PTPRD: variants seen among roughly 807,000 people sequenced by gnomAD.
PTPRD encodes the protein protein tyrosine phosphatase receptor type D.
PTPRD carries 34 observed loss-of-function variants against 214.5 expected under a neutral mutation model. The observed-to-expected ratio is 0.16, with a 90% confidence interval of 0.12 to 0.21. The LOEUF (loss-of-function observed/expected upper bound fraction) is 0.21, where lower values mean the gene tolerates loss of function less well. Among genes scored for constraint, PTPRD ranks in the 10% least tolerant of loss-of-function variants. The pLI is 1.00. For synonymous variants in PTPRD, 1,128 were observed against 845.7 expected (o/e 1.33, Z -5.79); for missense variants, 2,545 against 2,398.7 (o/e 1.06, Z -1.27).
At chr9:10,375,370 C>A (rs760009782) in intron 2 of PTPRD, among the ~76,000 whole-genome samples, 2 of 151,948 alleles carry the variant, frequency 1.3e-5, no homozygotes, top group African/African-American at 2.4e-5. Context: ...TTATTATGTG[C>A]ATTTCTGGTT....
chr9:8,851,914 T>C (rs1036408085), intron 11 of PTPRD, among the ~76,000 whole-genome samples: 2 of 152,178 alleles, frequency 1.3e-5, no homozygotes, highest in African/African-American at 4.8e-5. Context: ...GGGTCGAGAT[T>C]TTGCAATTCT....
intron 5 of PTPRD, among the ~76,000 whole-genome samples, chr9:9,818,466 G>C (rs2049510815): frequency 6.6e-6 from 1 of 152,070 alleles, no homozygotes; most frequent in South Asian, 2.1e-4. Context: ...ACATTATTTA[G>C]TTTATGAGTA....
chr9:8,653,067 T>A (rs906863847), intron 12 of PTPRD, among the ~76,000 whole-genome samples: 5 of 152,206 alleles, frequency 3.3e-5, no homozygotes, highest in African/African-American at 1.2e-4. Context: ...TGTTCAATTT[T>A]ACTGTCTGAA....
At chr9:9,329,779 G>C (rs1380728184) in intron 9 of PTPRD, among the ~76,000 whole-genome samples, 1 of 152,150 alleles carries the variant, frequency 6.6e-6, no homozygotes, top group Non-Finnish European at 1.5e-5. Context: ...ACTTCATATT[G>C]AAAACTAAAC....
chr9:9,776,945 T>A (rs1040072550), intron 5 of PTPRD, among the ~76,000 whole-genome samples: 7 of 152,190 alleles, frequency 4.6e-5, no homozygotes, highest in African/African-American at 7.2e-5. Context: ...TTGAAAGGCA[T>A]AAATTCAGGG....
intron 11 of PTPRD, among the ~76,000 whole-genome samples, chr9:8,756,583 G>C (rs918529116): frequency 6.6e-6 from 1 of 152,064 alleles, no homozygotes; most frequent in Admixed American, 6.6e-5. Context: ...ATTTGAGAGT[G>C]GGTTTTATAA....
intron 11 of PTPRD, among the ~76,000 whole-genome samples, chr9:8,858,760 A>C (rs939674275): frequency 6.6e-6 from 1 of 150,612 alleles, no homozygotes; most frequent in African/African-American, 2.4e-5. Context: ...GAGCCGGATA[A>C]AGGAGGGGCA....
chr9:10,528,492 C>T (rs1368639353), intron 2 of PTPRD, among the ~76,000 whole-genome samples: 2 of 152,030 alleles, frequency 1.3e-5, no homozygotes, highest in Non-Finnish European at 2.9e-5. Context: ...CATCTTTTAC[C>T]ACCACAAGAA....
chr9:9,132,183 A>ATT (rs35587880), intron 10 of PTPRD, among the ~76,000 whole-genome samples: 1 of 151,736 alleles, frequency 6.6e-6, no homozygotes, highest in African/African-American at 2.4e-5. Context: ...AATTTTTTGT[A>ATT]TTTTTTTGGT....
intron 4 of PTPRD, among the ~76,000 whole-genome samples, chr9:10,006,339 G>A (rs933679034): frequency 9.2e-5 from 14 of 151,972 alleles, no homozygotes; most frequent in Admixed American, 5.9e-4. Context: ...TTTTTTCATT[G>A]ATTTAATATA....
intron 11 of PTPRD, among the ~76,000 whole-genome samples, chr9:8,922,085 A>G (rs1314973381): frequency 6.6e-6 from 1 of 152,196 alleles, no homozygotes; most frequent in Non-Finnish European, 1.5e-5. Context: ...CAGGCAGAGA[A>G]TTCGTGTGTA....
chr9:9,927,834 C>A (rs1400155030), intron 5 of PTPRD, among the ~76,000 whole-genome samples: 2 of 151,998 alleles, frequency 1.3e-5, no homozygotes, highest in Non-Finnish European at 2.9e-5. Flanking sequence ...AGCTTATTTT[C>A]ATGTCATTTG....
intron 11 of PTPRD, among the ~76,000 whole-genome samples, chr9:8,868,909 G>C (rs987471912): frequency 6.6e-5 from 10 of 152,108 alleles, no homozygotes; most frequent in Non-Finnish European, 1.0e-4. Flanking sequence ...CTATGAGCAA[G>C]GCACACATAT....
intron 7 of PTPRD, among the ~76,000 whole-genome samples, chr9:9,703,542 T>C (rs934033509): frequency 2.6e-5 from 4 of 152,138 alleles, no homozygotes; most frequent in East Asian, 1.9e-4. Context: ...TTTGAAAAGA[T>C]TGGCAGGTGA....
intron 2 of PTPRD, among the ~76,000 whole-genome samples, chr9:10,547,715 A>G (rs1412038330): frequency 3.3e-5 from 5 of 151,920 alleles, no homozygotes; most frequent in African/African-American, 1.2e-4. Flanking sequence ...ATATATATAT[A>G]AGTGTACATA....
intron 7 of PTPRD, among the ~76,000 whole-genome samples, chr9:9,576,693 G>A (rs2088952513): frequency 6.6e-6 from 1 of 152,100 alleles, no homozygotes; most frequent in African/African-American, 2.4e-5. Context: ...TACCATTGTA[G>A]AATAAACTTC....
chr9:9,477,796 C>T (rs1202530952), intron 8 of PTPRD, among the ~76,000 whole-genome samples: 4 of 152,108 alleles, frequency 2.6e-5, no homozygotes, highest in Non-Finnish European at 4.4e-5. Context: ...TAGAACTGTA[C>T]ATTTTCTTGA....
At chr9:8,995,899 T>C (rs951609141) in intron 11 of PTPRD, among the ~76,000 whole-genome samples, 2 of 152,100 alleles carry the variant, frequency 1.3e-5, no homozygotes, top group Admixed American at 6.6e-5. Context: ...GTCTCTTCCT[T>C]TTAGTAAACG....
chr9:10,259,259 C>T (rs558197736), intron 3 of PTPRD, among the ~76,000 whole-genome samples: 4 of 152,198 alleles, frequency 2.6e-5, no homozygotes, highest in East Asian at 3.9e-4. Flanking sequence ...CTCCTGACCT[C>T]GTGATCAGCC....
Sources: gnomAD v4.1 joint callset for allele counts (sites outside exome capture counted in the v4.1 genomes callset) on GRCh38, gnomAD v4.1.1 for gene constraint, MANE v1.5 for transcripts, NCBI Gene and HGNC (gene_info 2026-07-23, HGNC 2026-07-21) for gene names.